BTBD8: variants seen among roughly 807,000 people sequenced by gnomAD.
The protein encoded by BTBD8 is BTB domain containing 8.
In BTBD8, 110 loss-of-function variants were observed where a neutral mutation model predicts 162.9. The observed-to-expected ratio is 0.68, with a 90% CI of 0.58 to 0.79. BTBD8 has a LOEUF of 0.79. Ranked by LOEUF, BTBD8 falls within the 30% of genes least tolerant of loss-of-function variation. BTBD8 has a pLI of 0.00. For missense variants in BTBD8, 1,905 were observed against 2,085.4 expected (o/e 0.91, Z 1.68); for synonymous variants, 667 against 716.1 (o/e 0.93, Z 1.10).
At chr1:92,153,940 C>T (rs2100647535) in intron 9 of BTBD8, among the ~76,000 whole-genome samples, 1 of 152,176 alleles carries the variant, frequency 6.6e-6, no homozygotes, top group South Asian at 2.1e-4. Flanking sequence ...GGAGGTGGGG[C>T]CTGGTGGGAG....
chr1:92,080,620 T>G lies in BTBD8; in HGVS notation c.49T>G (p.Ser17Ala). 6.2e-7 allele frequency: 1 copy of G among 1,613,850 alleles called. No homozygotes were observed. The change falls in exon 1 of 18, where the codon TCC becomes GCC. Residue 17 changes from serine (S) to alanine (A), a missense_variant. Transcript: ENST00000636805. ...TGCGGCCCCCATGGTACTTCTGGGG[T>G]CCGCTGGAGTTTGCAGTAAGGGGTT... The part of the protein sequence containing the change: ...GSAAPMVLLG[S>A]AGVCSKGLQR...
rs1247775370 is a variant in BTBD8, at chr1:92,184,073, CA to C, written c.5123del (p.Gln1708ArgfsTer5). 2 of 1,551,526 alleles carry C rather than the reference CA, an allele frequency of 1.3e-6. No homozygotes were observed. Among genetic ancestry groups the C allele is most frequent in the Non-Finnish European group, 1.7e-6 (2 of 1,146,882 alleles). ...ACTACTAAAGCAACTGCTCTCTGAA[CA>C]GGATTCAAACTTAGATGTTACAAAT... Reference protein sequence around the residue: ...WTLLKQLLSEQDSNLDVTNSV... With the variant: ...WTLLKQLLSEXDSNLDVTNSV... On this transcript the variant is annotated frameshift_variant, in exon 18 of 18. Coordinates refer to ENST00000636805, the MANE Select transcript of BTBD8 (RefSeq NM_001376131.1). LOFTEE classifies it high-confidence loss of function.
Position 92,177,287 on chromosome 1 carries a change from A to G in BTBD8, c.2094A>G (p.Gly698=), listed in dbSNP as rs1034302946. 3.9e-6 allele frequency: 6 copies of G among 1,552,126 alleles called. No individual in the cohort carries two copies. Among genetic ancestry groups the G allele is most frequent in the Non-Finnish European group, 4.4e-6 (5 of 1,147,094 alleles). ...GTGCCAGACCCAAGGTACTCACAGG[A>G]AACTTAAATGTGCAAGCCAAAGCAA... ...ISGARPKVLT[G]NLNVQAKAKP... The change falls in exon 14 of 18, where the codon GGA becomes GGG. Residue 698 remains glycine (G), a synonymous_variant. Coordinates refer to ENST00000636805, the MANE Select transcript of BTBD8 (RefSeq NM_001376131.1).
intron 4 of BTBD8, among the ~76,000 whole-genome samples, chr1:92,124,070 A>AAG (rs1427378806): frequency 6.6e-6 from 1 of 152,180 alleles, no homozygotes; most frequent in African/African-American, 2.4e-5. Context: ...AATTTGTGTG[A>AAG]AGATTGCCAG....
At chr1:92,082,683 G>C (rs867746568) in intron 1 of BTBD8, among the ~76,000 whole-genome samples, 15 of 152,272 alleles carry the variant, frequency 9.9e-5, no homozygotes, top group South Asian at 2.1e-4. Flanking sequence ...GACACTCCTA[G>C]GTTACCTGAC....
chr1:92,160,773 T>C (rs1650257208), intron 9 of BTBD8, among the ~76,000 whole-genome samples: 1 of 152,138 alleles, frequency 6.6e-6, no homozygotes, highest in Non-Finnish European at 1.5e-5. Flanking sequence ...TGCAACATCA[T>C]CTACCTTCTT....
At chr1:92,138,058 G>A (rs764713272) in intron 5 of BTBD8, among the ~76,000 whole-genome samples, 18 of 152,110 alleles carry the variant, frequency 1.2e-4, no homozygotes, top group Admixed American at 2.0e-4. Flanking sequence ...GAGTGAAGGC[G>A]GTAGGTAAGA....
Position 92,177,272 on chromosome 1 carries a change from C to T in BTBD8, c.2079C>T (p.Pro693=), listed in dbSNP as rs775453107. 6.4e-7 allele frequency: 1 copy of T among 1,551,980 alleles called. No homozygotes were observed. Among genetic ancestry groups the T allele is most frequent in the South Asian group, 1.2e-5 (1 of 84,054 alleles). ...NQEGQISGAR[P]KVLTGNLNVQ... Reference sequence around the variant, plus strand: ...AAGGGCAAATTTCAGGTGCCAGACCCAAGGTACTCACAGGAAACTTAAATG... The same window carrying T: ...AAGGGCAAATTTCAGGTGCCAGACCTAAGGTACTCACAGGAAACTTAAATG... Residue 693 remains proline, a synonymous_variant, in exon 14 of 18, where the codon CCC becomes CCT. Coordinates refer to ENST00000636805, the MANE Select transcript of BTBD8 (RefSeq NM_001376131.1).
chr1:92,168,701 T>G (rs1205785816), intron 11 of BTBD8, among the ~76,000 whole-genome samples, 165 bp from the exon 12 acceptor site: 1 of 152,230 alleles, frequency 6.6e-6, no homozygotes, highest in South Asian at 2.1e-4. Context: ...TATAAAATTT[T>G]GTTATTAATA....
chr1:92,147,184 T>C lies in BTBD8; in HGVS notation c.935T>C (p.Val312Ala). 1 of 1,601,522 alleles carries C rather than the reference T, an allele frequency of 6.2e-7. No homozygotes were observed. Among genetic ancestry groups the C allele is most frequent in the African/African-American group, 1.3e-5 (1 of 74,526 alleles). The change falls in exon 8 of 18, where the codon GTT (valine) becomes GCT (alanine). Residue 312 changes from valine to alanine, a missense_variant. Val to Ala is a moderately conservative substitution (Grantham distance 64, BLOSUM62 0). This residue lies in a region of BTBD8 where 1,374 missense variants were observed against 1,442.7 expected (regional missense o/e 0.95). Transcript: ENST00000636805. ...GGTGTTTTCCATCAATTTTAGCCTG[T>C]TCCCAGAACATTGACGTCTATACTA... ...RDYCNFFQKPVPRTLTSILEC... is the reference protein window; with the variant it reads ...RDYCNFFQKPAPRTLTSILEC...
chr1:92,165,282 C>T (rs1458385918), intron 9 of BTBD8, among the ~76,000 whole-genome samples: 2 of 152,118 alleles, frequency 1.3e-5, no homozygotes, highest in African/African-American at 2.4e-5. Context: ...CAGTTTTATA[C>T]TAGGCCCTGA....
chr1:92,178,355 C>T lies in BTBD8; in HGVS notation c.2485C>T (p.Pro829Ser), dbSNP rs942556122. The T allele has an allele frequency of 5.8e-6, 9 of 1,551,296 alleles. No individual in the cohort carries two copies. In the African/African-American group the frequency reaches 1.2e-4, roughly 21 times the overall value. Residue 829 changes from proline to serine, a missense_variant, in exon 16 of 18, where the codon CCA becomes TCA. Physicochemically the swap from Pro to Ser is moderately conservative, Grantham distance 74. Transcript: ENST00000636805. ...TGGCAAAGGATGTAGTGAGCCAGTACCACAGGCAATTTTGAAGAAAAGAGG... is the reference window on the plus strand; with the variant it reads ...TGGCAAAGGATGTAGTGAGCCAGTATCACAGGCAATTTTGAAGAAAAGAGG... ...VSGKGCSEPV[P>S]QAILKKRGTS...
chr1:92,112,636 C>G (rs12095429), intron 4 of BTBD8, among the ~76,000 whole-genome samples: 2,344 of 152,062 alleles, frequency 0.015, 76 homozygotes, highest in African/African-American at 0.053. Context: ...CAAATTTTGT[C>G]GGATAATAGA....
intron 4 of BTBD8, among the ~76,000 whole-genome samples, chr1:92,120,210 A>C (rs1425781649): frequency 3.3e-5 from 5 of 152,046 alleles, no homozygotes; most frequent in Non-Finnish European, 7.4e-5. Context: ...TTTTTCTGTT[A>C]AAAAATATTT....
chr1:92,160,033 C>T (rs911650692), intron 9 of BTBD8, among the ~76,000 whole-genome samples: 1 of 151,986 alleles, frequency 6.6e-6, no homozygotes, highest in Non-Finnish European at 1.5e-5. Flanking sequence ...TGTATATTGT[C>T]CCATAGTGCC....
chr1:92,177,392 T>A lies in BTBD8; in HGVS notation c.2199T>A (p.Ser733Arg). ...AGPSSRSTDS[S>R]MEFSISTECL... ...CCTCCAGCAGATCCACAGATTCAAGTATGGAATTCTCAATTTCCACTGAAT... is the reference window on the plus strand; with the variant it reads ...CCTCCAGCAGATCCACAGATTCAAGAATGGAATTCTCAATTTCCACTGAAT... Residue 733 changes from serine (S) to arginine (R), a missense_variant, in exon 14 of 18, where the codon AGT (serine) becomes AGA (arginine). This residue lies in a region of BTBD8 where 1,374 missense variants were observed against 1,442.7 expected (regional missense o/e 0.95). Transcript: ENST00000636805. The A allele has an allele frequency of 6.4e-7, 1 of 1,551,684 alleles. No individual in the cohort carries two copies. The highest frequency in any genetic ancestry group is 1.4e-5 in the African/African-American group (1 of 73,166).
intron 4 of BTBD8, among the ~76,000 whole-genome samples, chr1:92,121,367 G>C (rs759817315): frequency 6.6e-6 from 1 of 152,112 alleles, no homozygotes; most frequent in Non-Finnish European, 1.5e-5. Flanking sequence ...GTCCTTGTCA[G>C]GTTTAGGCCT....
chr1:92,126,108 T>C (rs566972879), intron 4 of BTBD8: 7 of 488,446 alleles, frequency 1.4e-5, no homozygotes, highest in South Asian at 1.0e-4. Flanking sequence ...TCTGGATAAG[T>C]GAAAGCATCT....
At chr1:92,122,632 C>T (rs1324187299) in intron 4 of BTBD8, among the ~76,000 whole-genome samples, 5 of 151,870 alleles carry the variant, frequency 3.3e-5, no homozygotes, top group East Asian at 1.9e-4. Flanking sequence ...GGCATGATCT[C>T]GGCTCACTAC....
Sources: allele counts gnomAD v4.1 joint callset (sites outside exome capture counted in the v4.1 genomes callset), GRCh38; gene constraint gnomAD v4.1.1; regional missense constraint gnomAD v4.1.1; transcripts MANE v1.5; gene names NCBI Gene and HGNC (gene_info 2026-07-23, HGNC 2026-07-21).